The following PLD5 variants were observed in gnomAD, a reference collection of about 807,000 sequenced individuals.
PLD5 encodes the protein inactive phospholipase D5.
A neutral mutation model predicts 61.1 loss-of-function variants in PLD5; 36 were observed. The ratio of observed to expected loss-of-function variants is 0.59; its 90% CI spans 0.45 to 0.78. PLD5 has a LOEUF of 0.78. Among genes scored for constraint, PLD5 ranks in the 30% least tolerant of loss-of-function variants. PLD5 has a pLI of 0.00. For synonymous variants in PLD5, 243 were observed against 242.8 expected, an observed-to-expected ratio of 1.00 and a Z score of -0.01; for missense variants, 515 against 644.4, an observed-to-expected ratio of 0.80 and a Z score of 2.17.
In PLD5 at chr1:242,198,981, G is replaced by A. The variant is rs933613531; in HGVS notation, c.735+21007C>T. Among the ~76,000 whole-genome samples, 7 of 152,208 alleles carry A rather than the reference G, an allele frequency of 4.6e-5. No individual in the cohort carries two copies. In the East Asian group the frequency reaches 1.2e-3, roughly 25 times the overall value. ...ACTCCCGATCTCAGGTGATCTGCCCGCCTCAGCTTCCCAAAGTGTTGGGAT... is the reference window on the plus strand; with the variant it reads ...ACTCCCGATCTCAGGTGATCTGCCCACCTCAGCTTCCCAAAGTGTTGGGAT... On this transcript the variant is annotated intron_variant, in intron 5 of 9. Transcript: ENST00000536534.
chr1:242,153,467 G>A (rs1342675842), intron 5 of PLD5, among the ~76,000 whole-genome samples: 3 of 151,912 alleles, frequency 2.0e-5, no homozygotes, highest in African/African-American at 7.3e-5. Flanking sequence ...TTTCTTCTAG[G>A]GTTTTTATGG....
intron 5 of PLD5, among the ~76,000 whole-genome samples, chr1:242,195,128 A>G (rs148141676): frequency 6.6e-6 from 1 of 152,370 alleles, no homozygotes; most frequent in Non-Finnish European, 1.5e-5. Flanking sequence ...TTTGGGATCA[A>G]TGTTGAGAAA....
At chr1:242,179,340 G>A (rs1453779041) in intron 5 of PLD5, among the ~76,000 whole-genome samples, 1 of 152,144 alleles carries the variant, frequency 6.6e-6, no homozygotes, top group Non-Finnish European at 1.5e-5. Context: ...TGTCTGCAGG[G>A]AATTTAAAAA....
chr1:242,511,319 G>T (rs1668900585), intron 1 of PLD5, among the ~76,000 whole-genome samples: 1 of 152,164 alleles, frequency 6.6e-6, no homozygotes, highest in Non-Finnish European at 1.5e-5. Flanking sequence ...AAATTACAAA[G>T]AATAAATGCA....
intron 5 of PLD5, among the ~76,000 whole-genome samples, chr1:242,144,861 A>ATAGACTCT (rs1664439784): frequency 1.3e-5 from 2 of 152,138 alleles, no homozygotes; most frequent in Non-Finnish European, 2.9e-5. Flanking sequence ...TTGAGTGAAC[A>ATAGACTCT]ATGGACATAG....
At chr1:242,376,286 C>A (rs1346918788) in intron 1 of PLD5, among the ~76,000 whole-genome samples, 2 of 152,074 alleles carry the variant, frequency 1.3e-5, no homozygotes, top group African/African-American at 4.8e-5. Context: ...GGCTGGGAAA[C>A]GAGCAACCTG....
intron 1 of PLD5, among the ~76,000 whole-genome samples, chr1:242,434,746 T>C (rs1665903643): frequency 6.6e-6 from 1 of 152,182 alleles, no homozygotes. Context: ...CCCAAGTAGC[T>C]GGGACTACAG....
At chr1:242,251,635 C>T (rs1221800726) in intron 4 of PLD5, among the ~76,000 whole-genome samples, 4 of 151,904 alleles carry the variant, frequency 2.6e-5, no homozygotes. Context: ...AAAGGGCAGG[C>T]ATTGGGTGGG....
intron 4 of PLD5, among the ~76,000 whole-genome samples, chr1:242,255,983 A>G (rs1672988890): frequency 6.6e-6 from 1 of 152,264 alleles, no homozygotes; most frequent in Admixed American, 6.5e-5. Flanking sequence ...TGGGATCGTA[A>G]CCCAAATGAC....
At chr1:242,506,714 C>T (rs1008704358) in intron 1 of PLD5, among the ~76,000 whole-genome samples, 1 of 152,120 alleles carries the variant, frequency 6.6e-6, no homozygotes, top group Non-Finnish European at 1.5e-5. Context: ...AACCTCAAGT[C>T]GCTGGAAACA....
In PLD5 at chr1:242,089,964, T is replaced by C; in HGVS notation, c.1501A>G (p.Thr501Ala). The C allele has an allele frequency of 6.2e-7, 1 of 1,614,144 alleles. No individual in the cohort carries two copies. Among genetic ancestry groups the C allele is most frequent in the Non-Finnish European group, 8.5e-7 (1 of 1,180,030 alleles). ...TTCGGCTGTTTGGTTGGCTGTAAGGTTTTGGCATACGGTGAATACCAGTCC... is the reference window on the plus strand; with the variant it reads ...TTCGGCTGTTTGGTTGGCTGTAAGGCTTTGGCATACGGTGAATACCAGTCC... ...ERDWYSPYAK[T>A]LQPTKQPNCS... The change falls in exon 10 of 10, where the codon ACC becomes GCC. Residue 501 changes from threonine (T) to alanine (A), a missense_variant. Thr to Ala is a moderately conservative substitution (Grantham distance 58). Coordinates refer to ENST00000536534, the MANE Select transcript of PLD5 (RefSeq NM_001372062.1).
intron 4 of PLD5, among the ~76,000 whole-genome samples, chr1:242,234,776 C>T (rs900146009): frequency 6.6e-6 from 1 of 152,000 alleles, no homozygotes; most frequent in Admixed American, 6.6e-5. Context: ...CCTGATTCTG[C>T]CAATAAGCCT....
Position 242,086,403 on chromosome 1 carries a change from A to G in PLD5, c.*3451T>C, listed in dbSNP as rs547261430. 4 of 152,286 alleles carry G rather than the reference A, an allele frequency of 2.6e-5. No homozygotes were observed. Among genetic ancestry groups the G allele is most frequent in the Middle Eastern group, 6.8e-3 (2 of 296 alleles). 9.4% of individuals were successfully genotyped at this position (152,286 alleles called of 1,614,324 possible). On this transcript the variant is annotated 3_prime_UTR_variant, in exon 10 of 10. Coordinates refer to ENST00000536534, the MANE Select transcript of PLD5 (RefSeq NM_001372062.1). ...GACATTTTCAGCATTCCTTGTTTCTATCAGGTTCAGGTACCTAAAGCTTGT... is the reference window on the plus strand; with the variant it reads ...GACATTTTCAGCATTCCTTGTTTCTGTCAGGTTCAGGTACCTAAAGCTTGT...
chr1:242,217,937 A>G (rs1307345430), intron 5 of PLD5, among the ~76,000 whole-genome samples: 1 of 152,224 alleles, frequency 6.6e-6, no homozygotes, highest in Non-Finnish European at 1.5e-5. Context: ...GTTGAAATAA[A>G]AAGGATTTAG....
At chr1:242,385,787 A>T (rs76234503) in intron 1 of PLD5, among the ~76,000 whole-genome samples, 112 of 152,334 alleles carry the variant, frequency 7.4e-4, no homozygotes, top group African/African-American at 2.5e-3. Context: ...AGAATCAGAA[A>T]ATGATGGTCA....
intron 7 of PLD5, among the ~76,000 whole-genome samples, chr1:242,109,131 C>T (rs1011648376): frequency 2.6e-5 from 4 of 152,196 alleles, no homozygotes; most frequent in Admixed American, 2.0e-4. Flanking sequence ...TGTACTTCAT[C>T]GATGACCACC....
At position 242,087,425 on chromosome 1, in the gene PLD5, G is replaced by A. The variant is rs1403062263; in HGVS notation, c.*2429C>T. The A allele has an allele frequency of 6.6e-6, 1 of 152,194 alleles. No homozygotes were observed. Among genetic ancestry groups the A allele is most frequent in the Non-Finnish European group, 1.5e-5 (1 of 68,042 alleles). 9.4% of individuals were successfully genotyped at this position (152,194 alleles called of 1,614,324 possible). On this transcript the variant is annotated 3_prime_UTR_variant, in exon 10 of 10. Coordinates refer to ENST00000536534, the MANE Select transcript of PLD5 (RefSeq NM_001372062.1). ...AGGGGCCCCATGACACCAAGCCTAT[G>A]AGTGTCCCATGGCTGTGGATGAATA...
At chr1:242,439,280 C>A (rs1046454269) in intron 1 of PLD5, among the ~76,000 whole-genome samples, 13 of 152,172 alleles carry the variant, frequency 8.5e-5, no homozygotes, top group African/African-American at 2.9e-4. Context: ...CAAGGTCATT[C>A]GGAGACCGAG....
intron 2 of PLD5, among the ~76,000 whole-genome samples, chr1:242,297,743 C>T (rs1485813134): frequency 1.3e-5 from 2 of 149,938 alleles, no homozygotes; most frequent in African/African-American, 4.9e-5. Context: ...GGGTTCACGC[C>T]ATTCTCCTGC....
Sources: allele counts gnomAD v4.1 joint callset (sites outside exome capture counted in the v4.1 genomes callset), GRCh38; gene constraint gnomAD v4.1.1; transcripts MANE v1.5; gene names NCBI Gene and HGNC (gene_info 2026-07-23, HGNC 2026-07-21).